HECW1: variants seen among roughly 807,000 people sequenced by gnomAD.
HECW1 encodes the protein E3 ubiquitin-protein ligase HECW1.
Under a neutral mutation model 182.3 loss-of-function variants are expected in HECW1, and 61 were observed. The observed-to-expected ratio is 0.33, with a 90% CI of 0.27 to 0.41. The LOEUF is 0.41. Ranked by LOEUF, HECW1 falls within the 10% of genes least tolerant of loss-of-function variation. HECW1 has a pLI of 1.00. For missense variants in HECW1, 1,739 were observed against 2,108.9 expected (o/e 0.82, Z 3.44); for synonymous variants, 859 against 832.6 (o/e 1.03, Z -0.55).
intron 12 of HECW1, among the ~76,000 whole-genome samples, chr7:43,454,655 A>G (rs998247956): frequency 3.9e-5 from 6 of 152,208 alleles, no homozygotes; most frequent in African/African-American, 1.4e-4. Flanking sequence ...TTATTTGACA[A>G]TCCATCAGGT....
chr7:43,117,584 G>A (rs1306752623), intron 2 of HECW1, among the ~76,000 whole-genome samples: 3 of 152,194 alleles, frequency 2.0e-5, no homozygotes, highest in East Asian at 3.9e-4. Flanking sequence ...ATTGTTTATC[G>A]TTTACGTCTT....
At chr7:43,467,986 G>A (rs540712498) in intron 15 of HECW1, among the ~76,000 whole-genome samples, 24 of 152,116 alleles carry the variant, frequency 1.6e-4, no homozygotes, top group Admixed American at 1.6e-3. Context: ...GGGAGAACGC[G>A]CATGGCACAT....
At chr7:43,273,738 TA>T (rs906881403) in intron 3 of HECW1, among the ~76,000 whole-genome samples, 2 of 151,962 alleles carry the variant, frequency 1.3e-5, no homozygotes, top group Admixed American at 6.6e-5. Context: ...TTTTGTAAGT[TA>T]AAAAAATAAG....
At chr7:43,389,324 T>C (rs950931615) in intron 6 of HECW1, among the ~76,000 whole-genome samples, 16 of 152,176 alleles carry the variant, frequency 1.1e-4, no homozygotes, top group African/African-American at 3.9e-4. Context: ...ACAAAATCAG[T>C]CCTTCTGGGG....
intron 8 of HECW1, among the ~76,000 whole-genome samples, chr7:43,411,608 T>C (rs538183479): frequency 6.6e-6 from 1 of 152,210 alleles, no homozygotes; most frequent in Admixed American, 6.5e-5. Context: ...GTTCATGGAA[T>C]TGTCTGTTTC....
rs538414950 is a variant in HECW1, at chr7:43,231,748, G to A, written c.-31-12127G>A. 2.6e-3 allele frequency among the ~76,000 whole-genome samples: 394 copies of A among 152,182 alleles called. 3 individuals are homozygous for A. The highest frequency in any genetic ancestry group is 8.7e-3 in the African/African-American group (363 of 41,518). On this transcript the variant is annotated intron_variant, in intron 2 of 29. Coordinates refer to ENST00000395891, the MANE Select transcript of HECW1 (RefSeq NM_015052.5). ...AGAACCTCTTGGGGCCAGGCGCGGTGGCTCACGCCTGTAATCCCAGCACTT... is the reference window on the plus strand; with the variant it reads ...AGAACCTCTTGGGGCCAGGCGCGGTAGCTCACGCCTGTAATCCCAGCACTT...
intron 15 of HECW1, among the ~76,000 whole-genome samples, chr7:43,466,975 TA>T (rs2077804998): frequency 6.6e-6 from 1 of 152,252 alleles, no homozygotes; most frequent in South Asian, 2.1e-4. Context: ...TTCCTTTTGA[TA>T]TGGTTTTTTC....
chr7:43,365,648 A>C (rs377207979), intron 6 of HECW1, among the ~76,000 whole-genome samples: 116 of 152,254 alleles, frequency 7.6e-4, no homozygotes, highest in African/African-American at 2.6e-3. Flanking sequence ...TATTTACTTC[A>C]TATTCTGTAT....
intron 3 of HECW1, among the ~76,000 whole-genome samples, chr7:43,248,208 A>G (rs55687362): frequency 0.33 from 50,398 of 152,044 alleles, 12,870 homozygotes; most frequent in African/African-American, 0.72. Flanking sequence ...CAGAGATCGC[A>G]GGGCTGAGGT....
At chr7:43,548,312 A>G (rs1043397685) in intron 26 of HECW1, among the ~76,000 whole-genome samples, 1 of 151,968 alleles carries the variant, frequency 6.6e-6, no homozygotes, top group African/African-American at 2.4e-5. Flanking sequence ...GAGTTTTTTC[A>G]AATTGTTGTA....
chr7:43,261,682 G>A (rs1801196450), intron 3 of HECW1, among the ~76,000 whole-genome samples: 1 of 152,114 alleles, frequency 6.6e-6, no homozygotes, highest in Non-Finnish European at 1.5e-5. Context: ...TTCTGTGACA[G>A]TGATGTTATT....
chr7:43,243,969 G>A lies in HECW1; in HGVS notation c.27+37G>A. 5 of 1,525,864 alleles carry A rather than the reference G, an allele frequency of 3.3e-6. No individual in the cohort carries two copies. Among genetic ancestry groups the A allele is most frequent in the Non-Finnish European group, 4.5e-6 (5 of 1,099,620 alleles). 94.5% of individuals were successfully genotyped at this position (1,525,864 alleles called of 1,614,324 possible). ...TTTCTGATTATAAGAAACCATCCAT[G>A]TCATTCCATTATAAACCCACTCCAC... On this transcript the variant is annotated intron_variant, in intron 3 of 29. Transcript: ENST00000395891. The surrounding 1 kb of genome is among the most constrained non-coding windows in gnomAD (Gnocchi z 4.0).
chr7:43,218,672 G>T (rs903623083), intron 2 of HECW1, among the ~76,000 whole-genome samples: 4 of 152,176 alleles, frequency 2.6e-5, no homozygotes, highest in Non-Finnish European at 5.9e-5. Context: ...CTTCTGGATT[G>T]ATAGTTCTTG....
chr7:43,178,040 C>T (rs147829405), intron 2 of HECW1, among the ~76,000 whole-genome samples: 34 of 152,260 alleles, frequency 2.2e-4, no homozygotes, highest in African/African-American at 7.9e-4. Flanking sequence ...GACAGAGTCT[C>T]GCTCTGTCAC....
Position 43,237,136 on chromosome 7 carries a change from AGGAAGTAG to A in HECW1, c.-31-6737_-31-6730del, listed in dbSNP as rs779604306. Among the ~76,000 whole-genome samples the A allele has an allele frequency of 1.6e-3, 240 of 146,642 alleles. 1 individual carries two copies. Among genetic ancestry groups the A allele is most frequent in the African/African-American group, 5.0e-3 (197 of 39,140 alleles). Reference sequence around the variant, plus strand: ...AAAGAAAAAAAGAAGGAAGGAAGGAAGGAAGTAGGTAGGTAGGTAGGTAGGTAGGTAGG... The same window carrying A: ...AAAGAAAAAAAGAAGGAAGGAAGGAAGTAGGTAGGTAGGTAGGTAGGTAGG... On this transcript the variant is annotated intron_variant, in intron 2 of 29. Coordinates refer to ENST00000395891, the MANE Select transcript of HECW1 (RefSeq NM_015052.5).
chr7:43,421,954 GA>G (rs1489913186), intron 8 of HECW1, among the ~76,000 whole-genome samples: 2 of 152,142 alleles, frequency 1.3e-5, no homozygotes, highest in African/African-American at 4.8e-5. Context: ...ACTTAGCCAT[GA>G]TCCCTTGCTT....
chr7:43,144,431 G>C (rs754667877), intron 2 of HECW1, among the ~76,000 whole-genome samples: 2 of 152,072 alleles, frequency 1.3e-5, no homozygotes, highest in African/African-American at 2.4e-5. Context: ...TAGGAAGTCT[G>C]TTCTTCCTCC....
intron 5 of HECW1, among the ~76,000 whole-genome samples, chr7:43,350,589 T>C (rs952060646): frequency 6.6e-6 from 1 of 152,208 alleles, no homozygotes. Context: ...CTTTGTTAGA[T>C]TGGGTTAATT....
At position 43,469,254 on chromosome 7, in the gene HECW1, C is replaced by T. The variant is rs1283249195; in HGVS notation, c.3099+149C>T. 9.2e-5 allele frequency: 70 copies of T among 756,940 alleles called. No homozygotes were observed. The South Asian group carries it at 1.0e-3, about 11-fold the overall frequency. 46.9% of individuals were successfully genotyped at this position (756,940 alleles called of 1,614,324 possible). On this transcript the variant is annotated intron_variant, in intron 16 of 29. Transcript: ENST00000395891. ...AGCAGTAAAGGGGCTGATAACCACC[C>T]ACATCTGGGTTTCTCAACCTCAGCA...
Sources: allele counts gnomAD v4.1 joint callset (sites outside exome capture counted in the v4.1 genomes callset), GRCh38; gene constraint gnomAD v4.1.1; non-coding constraint Gnocchi (gnomAD v3.1); transcripts MANE v1.5; gene names NCBI Gene and HGNC (gene_info 2026-07-23, HGNC 2026-07-21).